ARHGEF37: variants seen among roughly 807,000 people sequenced by gnomAD.
ARHGEF37 encodes Rho guanine nucleotide exchange factor (GEF) 37.
ARHGEF37 carries 55 observed loss-of-function variants against 71.1 expected under a neutral mutation model. That is an observed-to-expected ratio of 0.77 (90% CI 0.62 to 0.97). The LOEUF is 0.97. ARHGEF37 is among the 50% of genes least tolerant of loss of function. The pLI is 0.00. For missense variants in ARHGEF37, 765 were observed against 836.8 expected (o/e 0.91, Z 1.06); for synonymous variants, 327 against 350.6 (o/e 0.93, Z 0.75).
At chr5:149,603,309 A>G (rs1310054153) in intron 3 of ARHGEF37, among the ~76,000 whole-genome samples, 1 of 152,186 alleles carries the variant, frequency 6.6e-6, no homozygotes, top group African/African-American at 2.4e-5. Flanking sequence ...ATGTACATAT[A>G]TTAATTCACT....
At chr5:149,608,742 G>C (rs1057060760) in intron 3 of ARHGEF37, among the ~76,000 whole-genome samples, 3 of 152,236 alleles carry the variant, frequency 2.0e-5, no homozygotes, top group Admixed American at 6.5e-5. Flanking sequence ...CTTGCCTCAG[G>C]TTACACAACT....
Position 149,597,735 on chromosome 5 carries a change from T to C in ARHGEF37, c.-11-24T>C. 2.0e-6 allele frequency: 3 copies of C among 1,507,306 alleles called. 1 individual carries two copies. The highest frequency in any genetic ancestry group is 8.8e-7 in the Non-Finnish European group (1 of 1,130,824). The allele number at this position is 1,507,306 out of a possible 1,614,324, so 93.4% of individuals were successfully genotyped here. A position where few individuals can be genotyped will look rare whatever the true frequency, so the allele number is the denominator to read the frequency against. ...CCCAATAGTTCTTCCTGGAAGTGAG[T>C]GGGGATGCTTTTGCTTTTCCCAGAA... On this transcript the variant is annotated intron_variant, in intron 1 of 12. Transcript: ENST00000333677.
rs1490908311 is a variant in ARHGEF37 at position 149,616,779 on chromosome 5, G to A, written c.658+13G>A. On this transcript the variant is annotated intron_variant, in intron 5 of 12. Transcript: ENST00000333677. ...CGCAAGGAAGTGGGTAAGGACTTGGGCATTTAAGGGGACACATTAGTAGGA... is the reference window on the plus strand; with the variant it reads ...CGCAAGGAAGTGGGTAAGGACTTGGACATTTAAGGGGACACATTAGTAGGA... The A allele has an allele frequency of 1.3e-6, 2 of 1,580,062 alleles. No individual in the cohort carries two copies. The highest frequency in any genetic ancestry group is 3.5e-5 in the Admixed American group (2 of 57,798).
chr5:149,616,108 G>C (rs1752367840), intron 4 of ARHGEF37, among the ~76,000 whole-genome samples: 2 of 152,054 alleles, frequency 1.3e-5, no homozygotes, highest in Non-Finnish European at 2.9e-5. Flanking sequence ...AAAGCCATAG[G>C]ACCAAATGAG....
intron 3 of ARHGEF37, 102 bp from the exon 4 acceptor site, chr5:149,609,446 C>T (rs1764008847): frequency 2.3e-6 from 3 of 1,325,852 alleles, no homozygotes; most frequent in Non-Finnish European, 3.2e-6. Flanking sequence ...ACCCAGCAAT[C>T]TCACTGGAGA....
At chr5:149,552,100 A>G (rs1029610345) in exon 1 of ARHGEF37, 1 of 151,984 alleles carries the variant, frequency 6.6e-6, no homozygotes, top group African/African-American at 2.4e-5. Context: ...TCACTACCAC[A>G]TATGATCTTC....
At position 149,633,562 on chromosome 5, in the gene ARHGEF37, A is replaced by C. The variant is rs1320785476; in HGVS notation, c.*1371A>C. 1 of 152,256 alleles carries C rather than the reference A, an allele frequency of 6.6e-6. No homozygotes were observed. The highest frequency in any genetic ancestry group is 1.5e-5 in the Non-Finnish European group (1 of 68,052). The allele number at this position is 152,256 out of a possible 1,614,324, so 9.4% of individuals were successfully genotyped here. The stretch of plus-strand genomic sequence containing the variant: ...AGTGCAGTCCCTGCTTGGGGTGGTC[A>C]TGTCTAGGCTGTTGCTCTGGGCAAA... On this transcript the variant is annotated 3_prime_UTR_variant, in exon 13 of 13. Transcript: ENST00000333677.
chr5:149,588,842 C>T (rs1376027040), intron 1 of ARHGEF37, among the ~76,000 whole-genome samples: 1 of 152,176 alleles, frequency 6.6e-6, no homozygotes, highest in Non-Finnish European at 1.5e-5. Context: ...CTTTCCCTGC[C>T]CAGACATTTT....
upstream of ARHGEF37, chr5:149,551,669 C>T (rs1464251961): frequency 1.3e-5 from 2 of 152,430 alleles, no homozygotes; most frequent in Admixed American, 6.5e-5. Context: ...TGTTACTCGC[C>T]TCGGACCCGC....
At chr5:149,571,828 G>A (rs1043445667) in intron 1 of ARHGEF37, among the ~76,000 whole-genome samples, 1 of 144,138 alleles carries the variant, frequency 6.9e-6, no homozygotes, top group Non-Finnish European at 1.5e-5. Flanking sequence ...GATTGCTTGA[G>A]CCCAAGAGAT....
intron 1 of ARHGEF37, among the ~76,000 whole-genome samples, chr5:149,557,803 T>C (rs1008383069): frequency 1.4e-4 from 22 of 152,228 alleles, no homozygotes; most frequent in African/African-American, 4.8e-4. Context: ...ATATATTTAT[T>C]CTTTTGATTC....
intron 11 of ARHGEF37, among the ~76,000 whole-genome samples, chr5:149,628,516 A>G (rs1175678939): frequency 1.3e-5 from 2 of 152,198 alleles, no homozygotes; most frequent in East Asian, 3.9e-4. Context: ...TGGCGGCTCC[A>G]TCAGATAAGC....
chr5:149,598,779 T>TATAGAG (rs1763662760), intron 2 of ARHGEF37, among the ~76,000 whole-genome samples: 1 of 81,996 alleles, frequency 1.2e-5, no homozygotes, highest in Admixed American at 1.9e-4. Flanking sequence ...TAGATATAGA[T>TATAGAG]ATATAGATAT....
chr5:149,612,741 C>G (rs1395817093), intron 4 of ARHGEF37, among the ~76,000 whole-genome samples: 1 of 152,178 alleles, frequency 6.6e-6, no homozygotes, highest in Non-Finnish European at 1.5e-5. Flanking sequence ...TGGTCCTGTC[C>G]CTGCCCGTTA....
chr5:149,559,910 C>A lies in ARHGEF37; in HGVS notation c.-12+7787C>A, dbSNP rs1355599096. 8.5e-5 allele frequency among the ~76,000 whole-genome samples: 13 copies of A among 152,080 alleles called. No homozygotes were observed. The East Asian group carries it at 2.5e-3, about 29-fold the overall frequency. Reference sequence around the variant, plus strand: ...GATGTGCTCATGCTATTAAAAATGTCTGTTTTATGACATAGCTAACAAGAC... The same window carrying A: ...GATGTGCTCATGCTATTAAAAATGTATGTTTTATGACATAGCTAACAAGAC... On this transcript the variant is annotated intron_variant, in intron 1 of 2. Coordinates refer to the ARHGEF37 transcript ENST00000505810.
intron 3 of ARHGEF37, among the ~76,000 whole-genome samples, chr5:149,603,167 A>G (rs1763810969): frequency 6.6e-6 from 1 of 152,088 alleles, no homozygotes; most frequent in Non-Finnish European, 1.5e-5. Context: ...TCCTGACCTC[A>G]GGTGATCCGC....
chr5:149,562,941 C>T (rs974882255), intron 1 of ARHGEF37, among the ~76,000 whole-genome samples: 1 of 152,176 alleles, frequency 6.6e-6, no homozygotes, highest in South Asian at 2.1e-4. Flanking sequence ...CCCCTTGGCT[C>T]ATTTACATAG....
intron 10 of ARHGEF37, among the ~76,000 whole-genome samples, chr5:149,624,901 T>G (rs1464268930): frequency 9.9e-4 from 12 of 12,162 alleles, no homozygotes; most frequent in Admixed American, 5.3e-3. Flanking sequence ...TGCTTTTGGG[T>G]TTTTTTTTTT....
upstream of ARHGEF37, among the ~76,000 whole-genome samples, chr5:149,579,188 C>T (rs1305102355): frequency 2.6e-5 from 4 of 152,118 alleles, no homozygotes; most frequent in African/African-American, 4.8e-5. Flanking sequence ...CAAAGTAAAA[C>T]ATGTAAAGCA....
Sources: allele counts gnomAD v4.1 joint callset (sites outside exome capture counted in the v4.1 genomes callset), GRCh38; gene constraint gnomAD v4.1.1; transcripts MANE v1.5; gene names NCBI Gene and HGNC (gene_info 2026-07-23, HGNC 2026-07-21).